PPP4R3B: variants seen among roughly 807,000 people sequenced by gnomAD.
PPP4R3B encodes serine/threonine-protein phosphatase 4 regulatory subunit 3B.
In PPP4R3B, 52 loss-of-function variants were observed where a neutral mutation model predicts 95.4. The observed-to-expected ratio is 0.54, with a 90% CI of 0.44 to 0.69. The LOEUF (loss-of-function observed/expected upper bound fraction) is 0.69. Ranked by LOEUF, PPP4R3B falls within the 30% of genes least tolerant of loss-of-function variation. The probability of loss-of-function intolerance (pLI) is 0.00; values close to 1 mark genes in which losing one functional copy is unlikely to be tolerated. For synonymous variants in PPP4R3B, 407 were observed against 343.9 expected (o/e 1.18, Z -2.03); for missense variants, 1,003 against 1,005.9 (o/e 1.00, Z 0.04).
At chr2:55,577,398 T>C in intron 10 of PPP4R3B, 42 bp from the exon 11 acceptor site, 1 of 1,387,880 alleles carries the variant, frequency 7.2e-7, no homozygotes, top group Non-Finnish European at 9.4e-7. Context: ...ACTTCAGTAA[T>C]AATATCCCAG....
chr2:55,592,145 C>G (rs562608839), intron 4 of PPP4R3B, among the ~76,000 whole-genome samples: 1 of 152,274 alleles, frequency 6.6e-6, no homozygotes, highest in Admixed American at 6.5e-5. Flanking sequence ...AGAACCCATT[C>G]ATTTTTAGAA....
At chr2:55,572,302 A>C (rs1011955824) in intron 12 of PPP4R3B, among the ~76,000 whole-genome samples, 1 of 152,206 alleles carries the variant, frequency 6.6e-6, no homozygotes, top group African/African-American at 2.4e-5. Context: ...AGGAAATTTT[A>C]AAGTTATCTG....
intron 15 of PPP4R3B, among the ~76,000 whole-genome samples, chr2:55,564,058 A>G (rs534079493): frequency 2.6e-5 from 4 of 152,356 alleles, no homozygotes; most frequent in Admixed American, 6.5e-5. Flanking sequence ...AAAGAAAAGT[A>G]TAAGTAGATA....
At chr2:55,595,904 T>C (rs1269505604) in intron 4 of PPP4R3B, among the ~76,000 whole-genome samples, 1 of 152,144 alleles carries the variant, frequency 6.6e-6, no homozygotes, top group African/African-American at 2.4e-5. Context: ...TAGTGAATGA[T>C]ATGGAAATAA....
At chr2:55,573,515 T>C in intron 12 of PPP4R3B, 104 bp downstream of exon 12, 1 of 1,061,984 alleles carries the variant, frequency 9.4e-7, no homozygotes, top group South Asian at 1.6e-5. Context: ...CTTCTCACAA[T>C]CATCTCATTC....
Position 55,617,262 on chromosome 2 carries a change from C to CA in PPP4R3B, c.23dup (p.Lys9GlufsTer71), listed in dbSNP as rs1559072280. ...GGTCTTCGTTCAGGGTATAGACCTT[C>CA]ACTCGCCGCCGCGTATCCGACATGG... On this transcript the variant is annotated frameshift_variant, in exon 1 of 17. Coordinates refer to ENST00000616407, the MANE Select transcript of PPP4R3B (RefSeq NM_001122964.3). LOFTEE classifies it high-confidence loss of function. 6.2e-7 allele frequency: 1 copy of CA among 1,601,638 alleles called. No individual in the cohort carries two copies. The highest frequency in any genetic ancestry group is 8.5e-7 in the Non-Finnish European group (1 of 1,172,642).
chr2:55,560,778 GAAAAAAAAAAAAAAAAAA>G lies in PPP4R3B; in HGVS notation c.2261-1828_2261-1811del, dbSNP rs545517387. On this transcript the variant is annotated intron_variant, in intron 15 of 16. Transcript: ENST00000616407. ...GGCAACAGAGAGAGACTCCATCTCA[GAAAAAAAAAAAAAAAAAA>G]AAAAAAAAAAAAAAAGAGGCCTTCT... Among the ~76,000 whole-genome samples the G allele has an allele frequency of 1.1e-4, 10 of 91,414 alleles. No individual in the cohort carries two copies. In the East Asian group the frequency reaches 3.3e-3, roughly 30 times the overall value. 60.0% of individuals were successfully genotyped at this position (91,414 alleles called of 152,430 possible). A position where few individuals can be genotyped will look rare whatever the true frequency, so the allele number is the denominator to read the frequency against.
intron 16 of PPP4R3B, among the ~76,000 whole-genome samples, chr2:55,555,188 G>C (rs1026511267): frequency 6.7e-6 from 1 of 148,274 alleles, no homozygotes; most frequent in African/African-American, 2.5e-5. Flanking sequence ...GCTGAGGTAG[G>C]AAAATGGTGT....
intron 16 of PPP4R3B, among the ~76,000 whole-genome samples, chr2:55,557,576 A>G (rs962008957): frequency 6.6e-6 from 1 of 152,224 alleles, no homozygotes; most frequent in Non-Finnish European, 1.5e-5. Context: ...AACATAAAAT[A>G]TGTTTCAAAT....
At chr2:55,553,053 G>A (rs574037683) in intron 16 of PPP4R3B, among the ~76,000 whole-genome samples, 2 of 152,270 alleles carry the variant, frequency 1.3e-5, no homozygotes, top group East Asian at 3.9e-4. Flanking sequence ...GGAGATTTCT[G>A]TTCCTCCACC....
chr2:55,575,112 T>C (rs985245867), intron 11 of PPP4R3B, among the ~76,000 whole-genome samples: 1 of 150,404 alleles, frequency 6.6e-6, no homozygotes, highest in Non-Finnish European at 1.5e-5. Flanking sequence ...TAATTTTTTT[T>C]TGTGTTTTCA....
intron 3 of PPP4R3B, among the ~76,000 whole-genome samples, chr2:55,599,636 G>A (rs1019888807): frequency 3.9e-5 from 6 of 152,036 alleles, no homozygotes; most frequent in Non-Finnish European, 8.8e-5. Context: ...TGATCATAAC[G>A]TCTCAGAGAC....
At chr2:55,597,667 G>C (rs1256071371) in intron 4 of PPP4R3B, among the ~76,000 whole-genome samples, 2 of 152,028 alleles carry the variant, frequency 1.3e-5, no homozygotes, top group Non-Finnish European at 2.9e-5. Flanking sequence ...TCGGCGTGGA[G>C]GCACATGCCT....
intron 4 of PPP4R3B, among the ~76,000 whole-genome samples, chr2:55,594,743 A>T (rs147267089): frequency 2.6e-5 from 4 of 152,304 alleles, no homozygotes; most frequent in African/African-American, 9.6e-5. Context: ...CAACAAGTGA[A>T]ATAGCACCCT....
intron 2 of PPP4R3B, among the ~76,000 whole-genome samples, chr2:55,610,175 G>A (rs1291902148): frequency 6.6e-6 from 1 of 151,926 alleles, no homozygotes; most frequent in Non-Finnish European, 1.5e-5. Context: ...AAAATATACT[G>A]GAGCTCTGTT....
At chr2:55,572,923 G>A (rs547612256) in intron 12 of PPP4R3B, among the ~76,000 whole-genome samples, 1 of 152,196 alleles carries the variant, frequency 6.6e-6, no homozygotes, top group Admixed American at 6.5e-5. Context: ...ATCTAGAGTA[G>A]TATTAGTGGG....
intron 11 of PPP4R3B, among the ~76,000 whole-genome samples, chr2:55,576,127 G>T (rs1035551224): frequency 6.6e-6 from 1 of 150,852 alleles, no homozygotes; most frequent in African/African-American, 2.4e-5. Context: ...TGGGTGGATC[G>T]CCTGAGGTCA....
At chr2:55,581,491 G>C (rs1689435297) in intron 8 of PPP4R3B, 76 bp downstream of exon 8, 3 of 1,435,178 alleles carry the variant, frequency 2.1e-6, no homozygotes, top group Non-Finnish European at 2.8e-6. Flanking sequence ...TAAAATACTT[G>C]TTTCTCAAAA....
chr2:55,549,696 C>T lies in PPP4R3B; in HGVS notation c.*215G>A, dbSNP rs767905122. 2.1e-5 allele frequency: 11 copies of T among 512,070 alleles called. No homozygotes were observed. The highest frequency in any genetic ancestry group is 1.0e-3 in the Middle Eastern group (2 of 1,936). 31.7% of individuals were successfully genotyped at this position (512,070 alleles called of 1,614,324 possible). On this transcript the variant is annotated 3_prime_UTR_variant, in exon 17 of 17. Coordinates refer to ENST00000616407, the MANE Select transcript of PPP4R3B (RefSeq NM_001122964.3). The stretch of plus-strand genomic sequence containing the variant: ...GGTTACTAATGTTTGTTTTGACAGC[C>T]TAAAAGGCAAACCCCTTAATTACTA...
Sources: allele counts gnomAD v4.1 joint callset (sites outside exome capture counted in the v4.1 genomes callset), GRCh38; gene constraint gnomAD v4.1.1; transcripts MANE v1.5; gene names NCBI Gene and HGNC (gene_info 2026-07-23, HGNC 2026-07-21).